The following WDR19 variants were observed in gnomAD, a reference collection of about 807,000 sequenced individuals.
WDR19 encodes the protein WD repeat domain 19, also known as WD repeat-containing protein 19.
In WDR19, 121 loss-of-function variants were observed where a neutral mutation model predicts 180.0. The ratio of observed to expected loss-of-function variants is 0.67; its 90% confidence interval spans 0.58 to 0.78. The LOEUF is 0.78. Among genes scored for constraint, WDR19 ranks in the 30% least tolerant of loss-of-function variants. The pLI, the probability that WDR19 is intolerant of heterozygous loss-of-function variation, is 0.00. For synonymous variants in WDR19, 497 were observed against 540.7 expected, an observed-to-expected ratio of 0.92 and a Z score of 1.12; for missense variants, 1,450 against 1,640.7, an observed-to-expected ratio of 0.88 and a Z score of 2.01.
chr4:39,202,063 T>C (rs1182346392), intron 6 of WDR19, among the ~76,000 whole-genome samples: 1 of 152,204 alleles, frequency 6.6e-6, no homozygotes, highest in Non-Finnish European at 1.5e-5. Context: ...TGTTATCCTT[T>C]GTCAATTCAG....
At position 39,195,259 on chromosome 4, in the gene WDR19, C is replaced by T. The variant is rs542670587; in HGVS notation, c.406+600C>T. Among the ~76,000 whole-genome samples the T allele has an allele frequency of 8.6e-5, 13 of 151,620 alleles. No homozygotes were observed. In the East Asian group the frequency reaches 2.3e-3, roughly 27 times the overall value. ...GCAGCCGCCTGTAATCCCAGCTACT[C>T]GGGAGGCTGAGGCAGGAGAATCACT... On this transcript the variant is annotated intron_variant, in intron 5 of 36. Coordinates refer to ENST00000399820, the MANE Select transcript of WDR19 (RefSeq NM_025132.4).
At chr4:39,244,073 G>A (rs2109405094) in intron 21 of WDR19, among the ~76,000 whole-genome samples, 175 bp from the exon 22 acceptor site, 1 of 148,310 alleles carries the variant, frequency 6.7e-6, no homozygotes, top group South Asian at 2.1e-4. Context: ...GTAATAGCTG[G>A]GTTTTTTTAA....
Position 39,228,527 on chromosome 4 carries a change from G to A in WDR19, c.1819G>A (p.Ala607Thr), listed in dbSNP as rs1165530025. ...GGCTGGTAGCACCAAAGTTCCTTTT[G>A]CTCATAAACCTTTGCTGCTATATAA... is the stretch of plus-strand genomic sequence containing the variant. ...ILAGSTKVPF[A>T]HKPLLLYNGE... The change falls in exon 17 of 37, where the codon GCT becomes ACT. Residue 607 changes from alanine (A) to threonine (T), a missense_variant. Coordinates refer to ENST00000399820, the MANE Select transcript of WDR19 (RefSeq NM_025132.4). 2 of 1,613,746 alleles carry A rather than the reference G, an allele frequency of 1.2e-6. No homozygotes were observed. Among genetic ancestry groups the A allele is most frequent in the Non-Finnish European group, 1.7e-6 (2 of 1,179,808 alleles).
chr4:39,257,609 T>C, intron 28 of WDR19, 55 bp downstream of exon 28: 1 of 1,507,426 alleles, frequency 6.6e-7, no homozygotes, highest in East Asian at 2.5e-5. Context: ...AAAAACTTCT[T>C]GAAAAAAATT....
At chr4:39,278,408 A>G (rs1029621780) in intron 35 of WDR19, 131 bp from the exon 36 acceptor site, 9 of 822,482 alleles carry the variant, frequency 1.1e-5, no homozygotes, top group Middle Eastern at 2.3e-4. Flanking sequence ...AATAGTTCTG[A>G]TTCTCAAATT....
At chr4:39,217,394 A>G (rs1350471923) in intron 13 of WDR19, among the ~76,000 whole-genome samples, 154 bp downstream of exon 13, 2 of 152,198 alleles carry the variant, frequency 1.3e-5, no homozygotes, top group Non-Finnish European at 2.9e-5. Flanking sequence ...CCCCTTCTAT[A>G]TTAGAAGTTC....
At chr4:39,224,714 T>G (rs554987771) in intron 14 of WDR19, among the ~76,000 whole-genome samples, 170 bp from the exon 15 acceptor site, 2 of 152,294 alleles carry the variant, frequency 1.3e-5, no homozygotes, top group South Asian at 4.1e-4. Context: ...TTTATTTATT[T>G]TCTTGAGTCT....
Position 39,198,334 on chromosome 4 carries a change from G to A in WDR19, c.407-1144G>A, listed in dbSNP as rs141462031. Among the ~76,000 whole-genome samples, 576 of 151,992 alleles carry A rather than the reference G, an allele frequency of 3.8e-3. 17 individuals are homozygous for A. The East Asian group carries it at 0.059, about 16-fold the overall frequency. On this transcript the variant is annotated intron_variant, in intron 5 of 36. Coordinates refer to ENST00000399820, the MANE Select transcript of WDR19 (RefSeq NM_025132.4). ...AGCACTTTGGGAGGCCGAGGCGGGC[G>A]GATAACAAGGTCAGGAGATTGAGAC...
intron 1 of WDR19, among the ~76,000 whole-genome samples, chr4:39,184,657 G>A (rs1391512298): frequency 6.6e-6 from 1 of 151,984 alleles, no homozygotes; most frequent in Non-Finnish European, 1.5e-5. Flanking sequence ...TAGTAGAGAC[G>A]AGGTTTCGCC....
At chr4:39,270,253 G>A (rs1201200971) in intron 31 of WDR19, among the ~76,000 whole-genome samples, 153 bp downstream of exon 31, 2 of 152,190 alleles carry the variant, frequency 1.3e-5, no homozygotes, top group African/African-American at 2.4e-5. Flanking sequence ...TCTACAATAC[G>A]CTGCTTTGTG....
intron 20 of WDR19, among the ~76,000 whole-genome samples, chr4:39,236,495 G>C (rs754554507): frequency 3.3e-5 from 5 of 152,168 alleles, no homozygotes; most frequent in African/African-American, 1.2e-4. Context: ...GACTCCAAAA[G>C]GTGGGAGGGT....
chr4:39,201,017 T>C (rs1577861657), intron 6 of WDR19, among the ~76,000 whole-genome samples: 1 of 152,040 alleles, frequency 6.6e-6, no homozygotes, highest in Admixed American at 6.6e-5. Context: ...TAGACTAAAC[T>C]GTTGGGTCAG....
intron 25 of WDR19, 26 bp from the exon 26 acceptor site, chr4:39,253,880 T>G (rs368491973): frequency 6.4e-7 from 1 of 1,565,654 alleles, no homozygotes; most frequent in South Asian, 1.2e-5. Flanking sequence ...ATTAAGAGTC[T>G]AGCTAATTAA....
At chr4:39,219,145 A>T (rs1462652233) in intron 14 of WDR19, 1 of 152,224 alleles carries the variant, frequency 6.6e-6, no homozygotes, top group African/African-American at 2.4e-5. Flanking sequence ...AAAAATAAAA[A>T]GTATAGTATG....
At chr4:39,184,091 G>C (rs190029348) in intron 1 of WDR19, among the ~76,000 whole-genome samples, 1 of 152,136 alleles carries the variant, frequency 6.6e-6, no homozygotes, top group Non-Finnish European at 1.5e-5. Flanking sequence ...CAATAGAGGG[G>C]AATTTCTTCT....
rs554755821 is a variant in WDR19 at position 39,241,353 on chromosome 4, C to T, written c.2421+1019C>T. 3.9e-5 allele frequency among the ~76,000 whole-genome samples: 6 copies of T among 152,100 alleles called. No individual in the cohort carries two copies. The East Asian group carries it at 7.7e-4, about 20-fold the overall frequency. Reference sequence around the variant, plus strand: ...ACTAGAAATACAAAAATTAGCCAGCCGTGATGACGGGTGCCTATAATCCCA... The same window carrying T: ...ACTAGAAATACAAAAATTAGCCAGCTGTGATGACGGGTGCCTATAATCCCA... On this transcript the variant is annotated intron_variant, in intron 21 of 36. Transcript: ENST00000399820.
chr4:39,240,392 ATT>A, intron 21 of WDR19, 58 bp downstream of exon 21: 1 of 1,088,378 alleles, frequency 9.2e-7, no homozygotes, highest in Non-Finnish European at 1.2e-6. Context: ...TTTCAGTTTC[ATT>A]TTTAAAAATC....
At position 39,217,504 on chromosome 4, in the gene WDR19, C is replaced by G. The variant is rs553033485; in HGVS notation, c.1356+264C>G. On this transcript the variant is annotated intron_variant, in intron 13 of 36. Transcript: ENST00000399820. Reference sequence around the variant, plus strand: ...AAACAGTAATAATAATAATAATTACCCTGTTGGTAAATTGGAGCTAGAAGG... The same window carrying G: ...AAACAGTAATAATAATAATAATTACGCTGTTGGTAAATTGGAGCTAGAAGG... Among the ~76,000 whole-genome samples the G allele has an allele frequency of 2.6e-5, 4 of 152,040 alleles. No individual in the cohort carries two copies. The South Asian group carries it at 8.3e-4, about 32-fold the overall frequency.
chr4:39,240,259 C>A lies in WDR19; in HGVS notation c.2364-18C>A. ...TATATATTAAAATTATTAAAATTCA[C>A]TCTTATTTTTTTTTCAGGGGTGATT... On this transcript the variant is annotated intron_variant, in intron 20 of 36. Coordinates refer to ENST00000399820, the MANE Select transcript of WDR19 (RefSeq NM_025132.4). 2.5e-6 allele frequency: 3 copies of A among 1,222,622 alleles called. No homozygotes were observed. The highest frequency in any genetic ancestry group is 2.3e-5 in the South Asian group (1 of 44,284). 75.7% of individuals were successfully genotyped at this position (1,222,622 alleles called of 1,614,324 possible).
Sources: allele counts gnomAD v4.1 joint callset (sites outside exome capture counted in the v4.1 genomes callset), GRCh38; gene constraint gnomAD v4.1.1; transcripts MANE v1.5; gene names NCBI Gene and HGNC (gene_info 2026-07-23, HGNC 2026-07-21).